MYC: variants seen among roughly 807,000 people sequenced by gnomAD.
MYC encodes the protein MYC proto-oncogene, bHLH transcription factor.
In MYC, 1 loss-of-function variant was observed where a neutral mutation model predicts 30.5. The ratio of observed to expected loss-of-function variants is 0.03; its 90% confidence interval spans 0.01 to 0.16. The LOEUF is 0.16. Among genes scored for constraint, MYC ranks in the 10% least tolerant of loss-of-function variants. MYC has a pLI of 1.00. For synonymous variants in MYC, 267 were observed against 250.7 expected (o/e 1.07, Z -0.62); for missense variants, 508 against 589.0 (o/e 0.86, Z 1.42).
Position 127,742,244 on chromosome 8 carries a change from T to G in MYC, c.*1286T>G, listed in dbSNP as rs71520682. Among the ~76,000 whole-genome samples the G allele has an allele frequency of 3.8e-4, 58 of 152,286 alleles. No individual in the cohort carries two copies. The highest frequency in any genetic ancestry group is 3.4e-3 in the Middle Eastern group (1 of 294). On this transcript the variant is annotated 3_prime_UTR_variant, in exon 3 of 3. Transcript: ENST00000621592. ...GGAGATACTGTTGATTTCCCCATAT[T>G]AGAAGTAGAGAGGGAAGCTGAGGCA...
In MYC at chr8:127,738,809, GC is replaced by G; in HGVS notation, c.594del (p.Ala199ProfsTer150). 6.2e-7 allele frequency: 1 copy of G among 1,609,034 alleles called. No homozygotes were observed. The highest frequency in any genetic ancestry group is 8.5e-7 in the Non-Finnish European group (1 of 1,177,388). On this transcript the variant is annotated frameshift_variant, in exon 2 of 3. Coordinates refer to ENST00000621592, the MANE Select transcript of MYC (RefSeq NM_002467.6). LOFTEE classifies it high-confidence loss of function. The surrounding 1 kb of genome is among the most constrained non-coding windows in gnomAD (Gnocchi z 7.6). ...CAGCTTGTACCTGCAGGATCTGAGCGCCGCCGCCTCAGAGTGCATCGACCCC... is the reference window on the plus strand; with the variant it reads ...CAGCTTGTACCTGCAGGATCTGAGCGCGCCGCCTCAGAGTGCATCGACCCC...
At chr8:127,740,255 G>C in intron 2 of MYC, 141 bp from the exon 3 acceptor site, 2 of 893,398 alleles carry the variant, frequency 2.2e-6, no homozygotes, top group Non-Finnish European at 1.7e-6. Context: ...ACCAGGCTTA[G>C]ATGTGGCTCT....
intron 1 of MYC, among the ~76,000 whole-genome samples, chr8:127,737,162 C>T (rs1382860923): frequency 1.3e-5 from 2 of 152,292 alleles, no homozygotes; most frequent in Non-Finnish European, 2.9e-5. Context: ...CCGCCTGTCC[C>T]CGCGGCGATT....
intron 1 of MYC, 148 bp downstream of exon 1, chr8:127,736,771 TG>T (rs1470684006): frequency 1.1e-5 from 10 of 872,206 alleles, no homozygotes; most frequent in Non-Finnish European, 1.4e-5. Context: ...GGGGCTGGGG[TG>T]GGGGGTAATC....
intron 2 of MYC, among the ~76,000 whole-genome samples, chr8:127,739,524 G>C (rs769084302): frequency 3.3e-5 from 5 of 152,200 alleles, no homozygotes; most frequent in African/African-American, 4.8e-5. Context: ...ACTGCCTCAA[G>C]AGTGGGTGGG....
Position 127,742,669 on chromosome 8 carries a change from A to T in MYC, c.*1711A>T, listed in dbSNP as rs956812868. The stretch of plus-strand genomic sequence containing the variant: ...TCTTTGTCATGGGAGTCATTATTTT[A>T]GAAACTACAAACTCTCCTTGCTTCC... On this transcript the variant is annotated 3_prime_UTR_variant, in exon 3 of 3. Coordinates refer to ENST00000621592, the MANE Select transcript of MYC (RefSeq NM_002467.6). Among the ~76,000 whole-genome samples, 1 of 152,206 alleles carries T rather than the reference A, an allele frequency of 6.6e-6. No homozygotes were observed. The highest frequency in any genetic ancestry group is 1.5e-5 in the Non-Finnish European group (1 of 68,036).
chr8:127,740,398 G>A lies in MYC; in HGVS notation c.805G>A (p.Glu269Lys), dbSNP rs1813689605. ...GATTTCTATTTCCTTTCTTAAAGAG[G>A]AGGAACAAGAAGATGAGGAAGAAAT... is the stretch of plus-strand genomic sequence containing the variant. Residue 269 changes from glutamate to lysine, a missense_variant and splice_region_variant, in exon 3 of 3, where the codon GAG (glutamate) becomes AAG (lysine). Glu to Lys is a moderately conservative substitution (Grantham distance 56). Around this residue, in one of 5 missense-constraint regions of MYC, gnomAD observed 364 missense variants for 381.1 expected, o/e 0.96. Transcript: ENST00000621592. The A allele has an allele frequency of 6.2e-7, 1 of 1,612,458 alleles. No homozygotes were observed. The highest frequency in any genetic ancestry group is 8.5e-7 in the Non-Finnish European group (1 of 1,178,726).
chr8:127,741,114 T>A lies in MYC; in HGVS notation c.*156T>A, dbSNP rs1813704967. ...AATGTAAACTGCCTCAAATTGGACT[T>A]TGGGCATAAAAGAACTTTTTTATGC... On this transcript the variant is annotated 3_prime_UTR_variant, in exon 3 of 3. Transcript: ENST00000621592. 4 of 582,148 alleles carry A rather than the reference T, an allele frequency of 6.9e-6. No homozygotes were observed. In the Middle Eastern group the frequency reaches 1.4e-3, roughly 199 times the overall value. 36.1% of individuals were successfully genotyped at this position (582,148 alleles called of 1,614,324 possible). A position where few individuals can be genotyped will look rare whatever the true frequency, so the allele number is the denominator to read the frequency against.
rs764801483 is a variant in MYC at position 127,742,936 on chromosome 8, T to C, written c.*1978T>C. Among the ~76,000 whole-genome samples, 9 of 152,230 alleles carry C rather than the reference T, an allele frequency of 5.9e-5. No individual in the cohort carries two copies. Among genetic ancestry groups the C allele is most frequent in the Non-Finnish European group, 1.2e-4 (8 of 68,034 alleles). On this transcript the variant is annotated 3_prime_UTR_variant, in exon 3 of 3. Coordinates refer to ENST00000621592, the MANE Select transcript of MYC (RefSeq NM_002467.6). ...CTACCACCACCCATAAATCAATAAA[T>C]AATTACTTTCTTTGACTCTGACTCC...
chr8:127,735,451 C>G (rs1187751827), upstream of MYC: 1 of 399,276 alleles, frequency 2.5e-6, no homozygotes, highest in Non-Finnish European at 4.4e-6. Context: ...ATTCATAACG[C>G]GCTCTCCAAG....
At position 127,741,055 on chromosome 8, in the gene MYC, T is replaced by C; in HGVS notation, c.*97T>C. On this transcript the variant is annotated 3_prime_UTR_variant, in exon 3 of 3. Transcript: ENST00000621592. ...CATGATCAAATGCAACCTCACAACC[T>C]TGGCTGAGTCTTGAGACTGAAAGAT... 3.4e-6 allele frequency: 4 copies of C among 1,176,332 alleles called. No homozygotes were observed. The highest frequency in any genetic ancestry group is 4.6e-6 in the Non-Finnish European group (4 of 874,902). 72.9% of individuals were successfully genotyped at this position (1,176,332 alleles called of 1,614,324 possible). A position where few individuals can be genotyped will look rare whatever the true frequency, so the allele number is the denominator to read the frequency against.
chr8:127,739,119 G>GT, intron 2 of MYC, 100 bp downstream of exon 2: 1 of 1,270,948 alleles, frequency 7.9e-7, no homozygotes, highest in East Asian at 2.6e-5. Context: ...TTAGGAAGGA[G>GT]AGATAGCAGA....
In MYC at chr8:127,738,560, G is replaced by A; in HGVS notation, c.343G>A (p.Glu115Lys). 6.2e-7 allele frequency: 1 copy of A among 1,613,704 alleles called. No individual in the cohort carries two copies. Among genetic ancestry groups the A allele is most frequent in the Non-Finnish European group, 8.5e-7 (1 of 1,179,804 alleles). ...GAGCTTCTCCACGGCCGACCAGCTG[G>A]AGATGGTGACCGAGCTGCTGGGAGG... is the stretch of plus-strand genomic sequence containing the variant. The change falls in exon 2 of 3, where the codon GAG (glutamate) becomes AAG (lysine). Residue 115 changes from glutamate to lysine, a missense_variant. This residue lies in a region of MYC where 364 missense variants were observed against 381.1 expected (regional missense o/e 0.96). Coordinates refer to ENST00000621592, the MANE Select transcript of MYC (RefSeq NM_002467.6). The surrounding 1 kb of genome is among the most constrained non-coding windows in gnomAD (Gnocchi z 7.6).
chr8:127,736,759 C>A (rs1813598522), intron 1 of MYC, 136 bp downstream of exon 1: 2 of 982,226 alleles, frequency 2.0e-6, no homozygotes, highest in East Asian at 2.6e-5. Flanking sequence ...GTTATGGTAA[C>A]TGGGGCTGGG....
At position 127,736,399 on chromosome 8, in the gene MYC, C is replaced by A; in HGVS notation, c.-195C>A. Reference sequence around the variant, plus strand: ...GCCCTCCCGCTGATCCCCCAGCCAGCGGTCCGCAACCCTTGCCGCATCCAC... The same window carrying A: ...GCCCTCCCGCTGATCCCCCAGCCAGAGGTCCGCAACCCTTGCCGCATCCAC... On this transcript the variant is annotated 5_prime_UTR_variant, in exon 1 of 3. Transcript: ENST00000621592. The A allele has an allele frequency of 3.2e-6, 2 of 622,368 alleles. No homozygotes were observed. Among genetic ancestry groups the A allele is most frequent in the Non-Finnish European group, 5.6e-6 (2 of 354,302 alleles). 38.6% of individuals were successfully genotyped at this position (622,368 alleles called of 1,614,324 possible).
chr8:127,738,751 C>A lies in MYC; in HGVS notation c.534C>A (p.Asn178Lys), dbSNP rs1384004800. 2 of 1,611,920 alleles carry A rather than the reference C, an allele frequency of 1.2e-6. No homozygotes were observed. The highest frequency in any genetic ancestry group is 2.2e-5 in the East Asian group (1 of 44,830). The change falls in exon 2 of 3, where the codon AAC becomes AAA. Residue 178 changes from asparagine (N) to lysine (K), a missense_variant. By Grantham distance (94) the Asn-to-Lys change is moderately conservative. Around this residue, in one of 5 missense-constraint regions of MYC, gnomAD observed 364 missense variants for 381.1 expected, o/e 0.96. Coordinates refer to ENST00000621592, the MANE Select transcript of MYC (RefSeq NM_002467.6). This position sits in a 1 kb window ranked among gnomAD's most constrained non-coding sequence, Gnocchi z 7.6. The stretch of plus-strand genomic sequence containing the variant: ...CGCGCAAAGACAGCGGCAGCCCGAA[C>A]CCCGCCCGCGGCCACAGCGTCTGCT...
chr8:127,740,300 C>A (rs573053336), intron 2 of MYC, 96 bp from the exon 3 acceptor site: 1 of 1,275,114 alleles, frequency 7.8e-7, no homozygotes, highest in Non-Finnish European at 1.1e-6. Flanking sequence ...ACCTTTCTAA[C>A]GTATTCATGC....
rs765532126 is a variant in MYC, at chr8:127,738,642, ACAT to A, written c.433_435del (p.Ile145del). 3 of 1,612,876 alleles carry A rather than the reference ACAT, an allele frequency of 1.9e-6. No homozygotes were observed. The highest frequency in any genetic ancestry group is 2.7e-5 in the African/African-American group (2 of 74,864). On this transcript the variant is annotated inframe_deletion, in exon 2 of 3. Coordinates refer to ENST00000621592, the MANE Select transcript of MYC (RefSeq NM_002467.6). This position sits in a 1 kb window ranked among gnomAD's most constrained non-coding sequence, Gnocchi z 7.6. Reference sequence around the variant, plus strand: ...CCGGACGACGAGACCTTCATCAAAAACATCATCATCCAGGACTGTATGTGGAGC... The same window carrying A: ...CCGGACGACGAGACCTTCATCAAAAACATCATCCAGGACTGTATGTGGAGC...
In MYC at chr8:127,741,985, G is replaced by A. The variant is rs1269835976; in HGVS notation, c.*1027G>A. On this transcript the variant is annotated 3_prime_UTR_variant, in exon 3 of 3. Coordinates refer to ENST00000621592, the MANE Select transcript of MYC (RefSeq NM_002467.6). The stretch of plus-strand genomic sequence containing the variant: ...ACAAGGAAATAGAAGAGCTCAAAGA[G>A]GTTATGTAACTTATCTGTAGCCACG... 3.9e-5 allele frequency among the ~76,000 whole-genome samples: 6 copies of A among 152,186 alleles called. No individual in the cohort carries two copies. Among genetic ancestry groups the A allele is most frequent in the African/African-American group, 9.7e-5 (4 of 41,444 alleles).
Sources: allele counts gnomAD v4.1 joint callset (sites outside exome capture counted in the v4.1 genomes callset), GRCh38; gene constraint gnomAD v4.1.1; regional missense constraint gnomAD v4.1.1; non-coding constraint Gnocchi (gnomAD v3.1); transcripts MANE v1.5; gene names NCBI Gene and HGNC (gene_info 2026-07-23, HGNC 2026-07-21).